Variants in SIDT1 observed in about 807,000 individuals in gnomAD.
SIDT1 encodes the protein SID1 transmembrane family, member 1.
A neutral mutation model predicts 107.5 loss-of-function variants in SIDT1; 101 were observed. The ratio of observed to expected loss-of-function variants is 0.94; its 90% confidence interval spans 0.80 to 1.11. SIDT1 has a LOEUF of 1.11. Ranked by LOEUF, SIDT1 falls within the 50% of genes least tolerant of loss-of-function variation. SIDT1 has a pLI of 0.00. For missense variants in SIDT1, 1,076 were observed against 1,058.2 expected, an observed-to-expected ratio of 1.02 and a Z score of -0.23; for synonymous variants, 395 against 398.2, an observed-to-expected ratio of 0.99 and a Z score of 0.10.
Position 113,581,450 on chromosome 3 carries a change from G to C in SIDT1, c.747+6G>C. ...AAGCTGCCATCACGCTACAGGTGAG[G>C]CATTGCTTCTGTGGGCATTATTGCC... On this transcript the variant is annotated splice_donor_region_variant and intron_variant, in intron 6 of 24. Coordinates refer to ENST00000264852, the MANE Select transcript of SIDT1 (RefSeq NM_017699.3). The C allele has an allele frequency of 6.2e-7, 1 of 1,610,108 alleles. No homozygotes were observed. Among genetic ancestry groups the C allele is most frequent in the South Asian group, 1.1e-5 (1 of 91,000 alleles).
chr3:113,612,483 C>G, intron 19 of SIDT1: 1 of 502,904 alleles, frequency 2.0e-6, no homozygotes, highest in South Asian at 1.6e-5. Flanking sequence ...TACAGTCTGC[C>G]AAACTTTGAC....
At chr3:113,620,861 C>A (rs1346536814) in intron 21 of SIDT1, among the ~76,000 whole-genome samples, 1 of 152,098 alleles carries the variant, frequency 6.6e-6, no homozygotes, top group East Asian at 1.9e-4. Context: ...ATTCCAGGGG[C>A]TCAGAATCAC....
intron 9 of SIDT1, among the ~76,000 whole-genome samples, chr3:113,591,438 C>A (rs1431460739): frequency 6.6e-6 from 1 of 151,792 alleles, no homozygotes; most frequent in Non-Finnish European, 1.5e-5. Flanking sequence ...ACAAACTGAT[C>A]CTAAAATTCA....
intron 17 of SIDT1, among the ~76,000 whole-genome samples, chr3:113,609,171 T>C (rs1024689461): frequency 6.8e-6 from 1 of 147,130 alleles, no homozygotes; most frequent in African/African-American, 2.5e-5. Flanking sequence ...CAAGTGATCC[T>C]CATCCCTCAG....
intron 10 of SIDT1, among the ~76,000 whole-genome samples, chr3:113,595,447 G>A (rs1944474998): frequency 6.6e-6 from 1 of 152,068 alleles, no homozygotes; most frequent in African/African-American, 2.4e-5. Flanking sequence ...GGGCGTGGTG[G>A]TGTGCACCTG....
rs1304123021 is a variant in SIDT1, at chr3:113,628,411, T to A, written c.*703T>A. The A allele has an allele frequency of 6.5e-6, 1 of 152,868 alleles. No homozygotes were observed. Among genetic ancestry groups the A allele is most frequent in the East Asian group, 1.9e-4 (1 of 5,204 alleles). 9.5% of individuals were successfully genotyped at this position (152,868 alleles called of 1,614,324 possible). ...TTACATATTCCTTCGTGTCTTCATC[T>A]CACTGACCTGTGTGGACCTCATCAC... On this transcript the variant is annotated 3_prime_UTR_variant, in exon 25 of 25. Transcript: ENST00000264852.
chr3:113,616,218 G>A (rs1051815500), intron 20 of SIDT1, 42 bp downstream of exon 20: 3 of 1,466,046 alleles, frequency 2.0e-6, no homozygotes, highest in Non-Finnish European at 2.9e-6. Flanking sequence ...GTCCCAGAAA[G>A]CAGGGGAATA....
intron 6 of SIDT1, chr3:113,581,742 G>A (rs775331472): frequency 4.1e-4 from 125 of 305,842 alleles, no homozygotes; most frequent in Non-Finnish European, 7.4e-4. Context: ...GCTTGGTGGT[G>A]CACACCTGCA....
At chr3:113,627,143 A>G (rs1221828022) in intron 24 of SIDT1, among the ~76,000 whole-genome samples, 6 of 152,120 alleles carry the variant, frequency 3.9e-5, no homozygotes, top group African/African-American at 7.2e-5. Context: ...TTATATAGCA[A>G]TACTCTATCC....
At position 113,585,249 on chromosome 3, in the gene SIDT1, T is replaced by A. The variant is rs1036679079; in HGVS notation, c.980T>A (p.Val327Asp). The A allele has an allele frequency of 8.7e-6, 14 of 1,612,946 alleles. No individual in the cohort carries two copies. The African/African-American group carries it at 1.6e-4, about 18-fold the overall frequency. Residue 327 changes from valine (V) to aspartate (D), a missense_variant, in exon 9 of 25, where the codon GTT becomes GAT. Coordinates refer to ENST00000264852, the MANE Select transcript of SIDT1 (RefSeq NM_017699.3). ...TCCTTCTACTTGGGATGCCTTCTTG[T>A]TGGGTTTGTTCATTATCTGAGGTAG... ...FLSFYLGCLL[V>D]GFVHYLRFQR... is the part of the protein sequence containing the mutation.
At chr3:113,568,504 G>C (rs1211881789) in intron 3 of SIDT1, among the ~76,000 whole-genome samples, 1 of 151,392 alleles carries the variant, frequency 6.6e-6, no homozygotes, top group African/African-American at 2.4e-5. Flanking sequence ...TGAGGCAGGA[G>C]AATGGCATGA....
intron 15 of SIDT1, among the ~76,000 whole-genome samples, 184 bp from the exon 16 acceptor site, chr3:113,607,910 A>G (rs1018663992): frequency 6.6e-6 from 1 of 152,234 alleles, no homozygotes. Context: ...CAGGCTAAGT[A>G]AGCATCATAA....
At chr3:113,566,605 A>T in intron 2 of SIDT1, 64 bp downstream of exon 2, 1 of 1,553,334 alleles carries the variant, frequency 6.4e-7, no homozygotes, top group Non-Finnish European at 8.8e-7. Flanking sequence ...CTAGAACTTA[A>T]TTGGTCTTTT....
chr3:113,577,001 C>T (rs113111707), intron 4 of SIDT1, 34 bp downstream of exon 4: 1 of 1,600,120 alleles, frequency 6.2e-7, no homozygotes, highest in Non-Finnish European at 8.6e-7. Context: ...TATCAACATC[C>T]TACCTGTTGG....
intron 10 of SIDT1, among the ~76,000 whole-genome samples, chr3:113,596,473 G>T (rs760786793): frequency 4.6e-5 from 7 of 152,212 alleles, no homozygotes; most frequent in Non-Finnish European, 8.8e-5. Context: ...TGAAGAAGAA[G>T]ATTAGACCCT....
intron 13 of SIDT1, 34 bp downstream of exon 13, chr3:113,604,067 T>C: frequency 7.0e-7 from 1 of 1,424,316 alleles, no homozygotes; most frequent in Non-Finnish European, 9.7e-7. Flanking sequence ...ATGGTTCCCT[T>C]AAATAAACAT....
At chr3:113,623,570 C>T in intron 22 of SIDT1, 38 bp downstream of exon 22, 1 of 1,602,520 alleles carries the variant, frequency 6.2e-7, no homozygotes, top group Non-Finnish European at 8.5e-7. Context: ...CTCGGGCCCT[C>T]GGGCAGGCGA....
chr3:113,617,532 C>T (rs1318013988), intron 20 of SIDT1, among the ~76,000 whole-genome samples: 1 of 152,116 alleles, frequency 6.6e-6, no homozygotes, highest in Admixed American at 6.6e-5. Context: ...AATATTTTTG[C>T]TAAAGGAATA....
chr3:113,604,923 ATTGCTGTGTTT>A lies in SIDT1; in HGVS notation c.1353_1363del (p.Ala452ArgfsTer112). The A allele has an allele frequency of 6.2e-7, 1 of 1,614,068 alleles. No homozygotes were observed. Among genetic ancestry groups the A allele is most frequent in the Non-Finnish European group, 8.5e-7 (1 of 1,180,024 alleles). On this transcript the variant is annotated frameshift_variant, in exon 14 of 25. Transcript: ENST00000264852. LOFTEE classifies it high-confidence loss of function. The stretch of plus-strand genomic sequence containing the variant: ...CTGCCTGCATAGGAACATCATCACC[ATTGCTGTGTTT>A]TACGCGCTGCCCGTGATCCAGCTGG...
Sources: gnomAD v4.1 joint callset for allele counts (sites outside exome capture counted in the v4.1 genomes callset) on GRCh38, gnomAD v4.1.1 for gene constraint, MANE v1.5 for transcripts, NCBI Gene and HGNC (gene_info 2026-07-23, HGNC 2026-07-21) for gene names.